CES5A: variants seen among roughly 807,000 people sequenced by gnomAD.
The protein encoded by CES5A is carboxylesterase 5.
Under a neutral mutation model 62.9 loss-of-function variants are expected in CES5A, and 67 were observed. The observed-to-expected ratio is 1.07, with a 90% CI of 0.88 to 1.31. CES5A has a LOEUF of 1.31. CES5A is among the 50% of genes most tolerant of loss of function. The pLI is 0.00. For synonymous variants in CES5A, 296 were observed against 280.8 expected (o/e 1.05, Z -0.54); for missense variants, 748 against 708.5 (o/e 1.06, Z -0.63).
At chr16:55,915,140 AC>A (rs2053249610) in intron 1 of CES5A, among the ~76,000 whole-genome samples, 1 of 151,492 alleles carries the variant, frequency 6.6e-6, no homozygotes, top group African/African-American at 2.4e-5. Flanking sequence ...GCAGGTAGCC[AC>A]CCCCACCCCC....
At chr16:55,850,894 T>A (rs1445047290) in intron 10 of CES5A, among the ~76,000 whole-genome samples, 1 of 83,726 alleles carries the variant, frequency 1.2e-5, no homozygotes, top group East Asian at 4.2e-4. Context: ...TTGTTCTTAC[T>A]CCTTTTCTTT....
intron 2 of CES5A, among the ~76,000 whole-genome samples, chr16:55,939,903 CA>C (rs1338541879): frequency 6.6e-6 from 1 of 151,914 alleles, no homozygotes; most frequent in Admixed American, 6.6e-5. Context: ...ACATATTAAA[CA>C]ACACACTTCT....
At chr16:55,847,943 T>G (rs2033049103) in intron 11 of CES5A, among the ~76,000 whole-genome samples, 1 of 152,112 alleles carries the variant, frequency 6.6e-6, no homozygotes, top group East Asian at 1.9e-4. Flanking sequence ...GGGGTCTCAC[T>G]CTGTCACCCA....
rs112265904 is a variant in CES5A, at chr16:55,909,567, C to T, written c.-256+15756G>A. 5.5e-3 allele frequency among the ~76,000 whole-genome samples: 720 copies of T among 130,632 alleles called. 5 individuals are homozygous for T. Among genetic ancestry groups the T allele is most frequent in the African/African-American group, 0.023 (690 of 30,418 alleles). 85.7% of individuals were successfully genotyped at this position (130,632 alleles called of 152,430 possible). A position where few individuals can be genotyped will look rare whatever the true frequency, so the allele number is the denominator to read the frequency against. ...GATTGAGCATGTGAGTGCGTGCGCACGTGCACACACACACACACACACACA... is the reference window on the plus strand; with the variant it reads ...GATTGAGCATGTGAGTGCGTGCGCATGTGCACACACACACACACACACACA... On this transcript the variant is annotated intron_variant, in intron 1 of 12. Transcript: ENST00000518005.
intron 10 of CES5A, 21 bp from the exon 11 acceptor site, chr16:55,849,794 G>A (rs1428164509): frequency 1.9e-6 from 3 of 1,612,456 alleles, no homozygotes; most frequent in East Asian, 4.5e-5. Context: ...GTCAGGGAAG[G>A]TCAGGCATGC....
intron 2 of CES5A, among the ~76,000 whole-genome samples, chr16:55,942,461 T>C (rs2034455693): frequency 6.6e-6 from 1 of 152,220 alleles, no homozygotes; most frequent in African/African-American, 2.4e-5. Flanking sequence ...TAAGAAATGG[T>C]ATTTAACATC....
intron 1 of CES5A, among the ~76,000 whole-genome samples, chr16:55,898,375 G>A (rs1458119765): frequency 2.0e-5 from 3 of 152,044 alleles, no homozygotes; most frequent in African/African-American, 7.2e-5. Flanking sequence ...TTTCTGCATT[G>A]TTTGAAACTT....
intron 1 of CES5A, among the ~76,000 whole-genome samples, chr16:55,910,748 G>A (rs1165851473): frequency 6.6e-6 from 1 of 152,218 alleles, no homozygotes; most frequent in Admixed American, 6.5e-5. Context: ...AAGCATGGCT[G>A]ATGCTGCAGG....
intron 1 of CES5A, among the ~76,000 whole-genome samples, chr16:55,892,507 A>G (rs771856069): frequency 1.4e-4 from 22 of 152,226 alleles, no homozygotes; most frequent in Non-Finnish European, 2.6e-4. Context: ...CAACACTGGT[A>G]TGCAAGGTTT....
At chr16:55,936,381 G>A (rs1302417839) in intron 2 of CES5A, among the ~76,000 whole-genome samples, 1 of 152,114 alleles carries the variant, frequency 6.6e-6, no homozygotes, top group African/African-American at 2.4e-5. Flanking sequence ...ATCCATTTGA[G>A]GATCCTCTAA....
At chr16:55,938,541 T>C (rs1313979274) in intron 2 of CES5A, among the ~76,000 whole-genome samples, 4 of 151,206 alleles carry the variant, frequency 2.6e-5, no homozygotes, top group Admixed American at 2.6e-4. Flanking sequence ...ATCAAGACCA[T>C]CCTGGCTAAC....
chr16:55,951,478 A>C (rs2034556986), intron 1 of CES5A, among the ~76,000 whole-genome samples: 1 of 152,314 alleles, frequency 6.6e-6, no homozygotes, highest in Non-Finnish European at 1.5e-5. Context: ...ATAGAAGAAA[A>C]AATGAAATGA....
chr16:55,873,479 C>T (rs1440649228), intron 2 of CES5A, among the ~76,000 whole-genome samples: 1 of 152,090 alleles, frequency 6.6e-6, no homozygotes, highest in Non-Finnish European at 1.5e-5. Flanking sequence ...TCCCTTCTGA[C>T]CAAAGGACTC....
chr16:55,925,592 G>C (rs1007676396), upstream of CES5A: 4 of 152,058 alleles, frequency 2.6e-5, no homozygotes, highest in African/African-American at 9.7e-5. Context: ...ACTCACAATA[G>C]TCAAAATATG....
intron 9 of CES5A, among the ~76,000 whole-genome samples, chr16:55,853,347 G>A (rs1382474485): frequency 6.6e-6 from 1 of 152,218 alleles, no homozygotes; most frequent in Non-Finnish European, 1.5e-5. Context: ...AGAACTGGCT[G>A]CATCATCGTG....
chr16:55,893,216 C>T (rs2033899030), intron 1 of CES5A, among the ~76,000 whole-genome samples: 3 of 152,062 alleles, frequency 2.0e-5, no homozygotes, highest in Non-Finnish European at 4.4e-5. Flanking sequence ...CATTTGAAAC[C>T]AGAGGTCAAT....
chr16:55,873,954 G>T lies in CES5A; in HGVS notation c.157C>A (p.Pro53Thr). The change falls in exon 2 of 13, where the codon CCT becomes ACT. Residue 53 changes from proline to threonine, a missense_variant. Coordinates refer to ENST00000290567, the MANE Select transcript of CES5A (RefSeq NM_001143685.2). ...KQVTVLGSPV[P>T]VNVFLGVPFA... ...GGGACTCCGAGGAACACGTTCACAG[G>T]CACAGGGCTTCCCAGCACAGTGACT... 1.9e-6 allele frequency: 3 copies of T among 1,613,518 alleles called. No homozygotes were observed. Among genetic ancestry groups the T allele is most frequent in the Non-Finnish European group, 1.7e-6 (2 of 1,179,858 alleles).
intron 3 of CES5A, among the ~76,000 whole-genome samples, 190 bp downstream of exon 3, chr16:55,871,435 A>G (rs1225099450): frequency 6.6e-6 from 1 of 152,270 alleles, no homozygotes; most frequent in Non-Finnish European, 1.5e-5. Context: ...CACTGCCAAT[A>G]AAGAATCAAT....
chr16:55,954,174 T>C (rs755702305), intron 1 of CES5A, among the ~76,000 whole-genome samples: 6 of 152,280 alleles, frequency 3.9e-5, no homozygotes, highest in Non-Finnish European at 8.8e-5. Context: ...GCTTTTTAGG[T>C]TCTATTTCCC....
Sources: allele counts gnomAD v4.1 joint callset (sites outside exome capture counted in the v4.1 genomes callset), GRCh38; gene constraint gnomAD v4.1.1; transcripts MANE v1.5; gene names NCBI Gene and HGNC (gene_info 2026-07-23, HGNC 2026-07-21).